The following FAT3 variants were observed in gnomAD, a reference collection of about 807,000 sequenced individuals.
FAT3 encodes protocadherin Fat 3.
A neutral mutation model predicts 310.2 loss-of-function variants in FAT3; 95 were observed. The observed-to-expected ratio is 0.31, with a 90% CI of 0.26 to 0.36. FAT3 has a LOEUF of 0.36. Ranked by LOEUF, FAT3 falls within the 10% of genes least tolerant of loss-of-function variation. FAT3 has a pLI of 1.00. For synonymous variants in FAT3, 2,314 were observed against 2,192.9 expected (o/e 1.06, Z -1.54); for missense variants, 5,408 against 5,715.6 (o/e 0.95, Z 1.74).
At chr11:92,596,392 C>T (rs1939708866) in intron 3 of FAT3, among the ~76,000 whole-genome samples, 1 of 152,158 alleles carries the variant, frequency 6.6e-6, no homozygotes, top group Non-Finnish European at 1.5e-5. Flanking sequence ...ATGGTTGGTA[C>T]ATTCAAGGAC....
At chr11:92,651,045 C>T (rs1264071544) in intron 3 of FAT3, among the ~76,000 whole-genome samples, 6 of 152,136 alleles carry the variant, frequency 3.9e-5, no homozygotes, top group Admixed American at 3.3e-4. Context: ...ATGTTGGTTT[C>T]AGTTGTGGAA....
At chr11:92,412,400 C>CTCTTTTTTT (rs1446543734) in intron 2 of FAT3, among the ~76,000 whole-genome samples, 1 of 46,252 alleles carries the variant, frequency 2.2e-5, no homozygotes, top group East Asian at 1.0e-3. Context: ...CAGACCCGGC[C>CTCTTTTTTT]TATTTTTTTT....
At chr11:92,285,062 T>C (rs1377206430) in intron 1 of FAT3, among the ~76,000 whole-genome samples, 1 of 151,988 alleles carries the variant, frequency 6.6e-6, no homozygotes, top group Non-Finnish European at 1.5e-5. Flanking sequence ...GAGAGGTGAG[T>C]GGAAACACAG....
chr11:92,407,299 A>C (rs1287343122), intron 2 of FAT3, among the ~76,000 whole-genome samples: 1 of 152,252 alleles, frequency 6.6e-6, no homozygotes, highest in South Asian at 2.1e-4. Flanking sequence ...CCGGTATGCT[A>C]AAGACTGGAG....
chr11:92,713,012 A>G (rs1288729892), intron 4 of FAT3, among the ~76,000 whole-genome samples: 1 of 152,208 alleles, frequency 6.6e-6, no homozygotes, highest in Non-Finnish European at 1.5e-5. Context: ...TGACCAATAC[A>G]TAAAAGACAC....
intron 1 of FAT3, among the ~76,000 whole-genome samples, chr11:92,333,897 C>G (rs113815141): frequency 0.011 from 1,748 of 152,136 alleles, 16 homozygotes; most frequent in Non-Finnish European, 0.019. Context: ...CCCCCTCCCC[C>G]CCAACAAAAG....
intron 1 of FAT3, among the ~76,000 whole-genome samples, chr11:92,270,061 C>A (rs908295796): frequency 6.6e-6 from 1 of 152,142 alleles, no homozygotes; most frequent in Non-Finnish European, 1.5e-5. Context: ...CATTAAGGCT[C>A]TCTTTCCAGG....
At chr11:92,793,021 A>C in intron 9 of FAT3, 44 bp downstream of exon 9, 1 of 1,572,214 alleles carries the variant, frequency 6.4e-7, no homozygotes, top group Non-Finnish European at 8.7e-7. Flanking sequence ...AATGCAAGGC[A>C]TTCGACCCTC....
At chr11:92,735,512 C>T (rs1945315667) in intron 4 of FAT3, among the ~76,000 whole-genome samples, 1 of 151,748 alleles carries the variant, frequency 6.6e-6, no homozygotes, top group South Asian at 2.1e-4. Context: ...AGCTGATGGA[C>T]ACAAACTATT....
chr11:92,316,240 A>G (rs1947458349), intron 1 of FAT3, among the ~76,000 whole-genome samples: 1 of 152,232 alleles, frequency 6.6e-6, no homozygotes, highest in South Asian at 2.1e-4. Flanking sequence ...AGTGTAAAAA[A>G]GACACTCCAC....
rs543870288 is a variant in FAT3 at position 92,627,512 on chromosome 11, T to A, written c.3608-69872T>A. Among the ~76,000 whole-genome samples, 6 of 152,188 alleles carry A rather than the reference T, an allele frequency of 3.9e-5. No homozygotes were observed. In the East Asian group the frequency reaches 1.2e-3, roughly 29 times the overall value. On this transcript the variant is annotated intron_variant, in intron 3 of 27. Coordinates refer to ENST00000525166, the MANE Select transcript of FAT3 (RefSeq NM_001367949.2). ...CTCCTAAATCTTTTGGAATTTATAG[T>A]TGGATGGGGTAGAGAGAGGGGAAGG...
chr11:92,790,298 G>A, intron 8 of FAT3, 80 bp downstream of exon 8: 2 of 1,420,806 alleles, frequency 1.4e-6, no homozygotes, highest in East Asian at 4.6e-5. Context: ...AGAAGTATAG[G>A]GCCCCTAAAT....
intron 1 of FAT3, among the ~76,000 whole-genome samples, chr11:92,350,781 T>C (rs888827215): frequency 1.3e-5 from 2 of 152,180 alleles, no homozygotes; most frequent in African/African-American, 2.4e-5. Flanking sequence ...GAAAAATGAC[T>C]GACACAGTGC....
chr11:92,753,468 T>C (rs1389440295), intron 4 of FAT3, among the ~76,000 whole-genome samples: 1 of 152,178 alleles, frequency 6.6e-6, no homozygotes, highest in East Asian at 1.9e-4. Flanking sequence ...TCTGTATAGC[T>C]ACAACAAGTA....
At chr11:92,797,150 G>A (rs1260788934) in intron 9 of FAT3, among the ~76,000 whole-genome samples, 3 of 152,170 alleles carry the variant, frequency 2.0e-5, no homozygotes, top group Admixed American at 2.0e-4. Context: ...TGAGAGAGGG[G>A]TAGAGCATGA....
intron 2 of FAT3, among the ~76,000 whole-genome samples, chr11:92,444,671 A>AG (rs1051608663): frequency 8.1e-6 from 1 of 122,944 alleles, no homozygotes; most frequent in African/African-American, 4.1e-5. Flanking sequence ...GGGGGGGGGG[A>AG]AAACATACAG....
intron 2 of FAT3, among the ~76,000 whole-genome samples, chr11:92,439,132 T>C (rs2135065026): frequency 6.6e-6 from 1 of 152,342 alleles, no homozygotes; most frequent in East Asian, 1.9e-4. Flanking sequence ...CTGTGTATTA[T>C]TGGATTCTCT....
chr11:92,430,563 G>C (rs993767185), intron 2 of FAT3, among the ~76,000 whole-genome samples: 1 of 151,864 alleles, frequency 6.6e-6, no homozygotes, highest in Admixed American at 6.6e-5. Flanking sequence ...ACAACGTGCA[G>C]GTTAGTTACA....
intron 3 of FAT3, among the ~76,000 whole-genome samples, chr11:92,578,333 G>T (rs995962556): frequency 6.6e-6 from 1 of 152,002 alleles, no homozygotes; most frequent in African/African-American, 2.4e-5. Context: ...TCTTGAGGGT[G>T]GTTTGCTTAT....
Sources: allele counts gnomAD v4.1 joint callset (sites outside exome capture counted in the v4.1 genomes callset), GRCh38; gene constraint gnomAD v4.1.1; transcripts MANE v1.5; gene names NCBI Gene and HGNC (gene_info 2026-07-23, HGNC 2026-07-21).